The following ANK3 variants were observed in gnomAD, a reference collection of about 807,000 sequenced individuals.
ANK3 encodes ankyrin-3.
ANK3 carries 57 observed loss-of-function variants against 370.9 expected under a neutral mutation model. That is an observed-to-expected ratio of 0.15 (90% CI 0.12 to 0.19). The LOEUF (loss-of-function observed/expected upper bound fraction) is 0.19. ANK3 is among the 10% of genes least tolerant of loss of function. The probability of loss-of-function intolerance (pLI) is 1.00; values close to 1 mark genes in which losing one functional copy is unlikely to be tolerated. For missense variants in ANK3, 4,439 were observed against 5,302.1 expected (o/e 0.84, Z 5.06); for synonymous variants, 1,929 against 1,946.3 (o/e 0.99, Z 0.23).
chr10:60,667,353 CA>C (rs1320442578), intron 1 of ANK3, among the ~76,000 whole-genome samples: 1 of 150,888 alleles, frequency 6.6e-6, no homozygotes, highest in Non-Finnish European at 1.5e-5. Flanking sequence ...TCTAAGGAAC[CA>C]AAAAAGAATG....
At chr10:60,263,396 C>T (rs540841053) in intron 6 of ANK3, among the ~76,000 whole-genome samples, 27 of 152,290 alleles carry the variant, frequency 1.8e-4, no homozygotes, top group African/African-American at 5.8e-4. Flanking sequence ...TTTTTGGCTG[C>T]GGCTCTCTTG....
In ANK3 at chr10:60,666,917, T is replaced by G. The variant is rs2079003828; in HGVS notation, c.58-51693A>C. ...TTTGAAAGACTGTAATGCTTAGATG[T>G]TTTAATTTTAGAGTTACTACCAATT... On this transcript the variant is annotated intron_variant, in intron 1 of 43. Transcript: ENST00000373827. Among the ~76,000 whole-genome samples, 3 of 152,190 alleles carry G rather than the reference T, an allele frequency of 2.0e-5. No homozygotes were observed. In the South Asian group the frequency reaches 6.2e-4, roughly 32 times the overall value.
At chr10:60,640,220 C>T (rs974744107) in intron 1 of ANK3, among the ~76,000 whole-genome samples, 2 of 151,090 alleles carry the variant, frequency 1.3e-5, no homozygotes, top group Admixed American at 6.6e-5. Flanking sequence ...CAAGGAGGAA[C>T]TGGTACCATT....
intron 8 of ANK3, among the ~76,000 whole-genome samples, chr10:60,226,875 C>T (rs894368268): frequency 6.7e-6 from 1 of 150,320 alleles, no homozygotes; most frequent in Non-Finnish European, 1.5e-5. Context: ...TATTTTATTT[C>T]TACATACTAT....
At chr10:60,378,934 G>C (rs967526561) in intron 1 of ANK3, among the ~76,000 whole-genome samples, 4 of 151,890 alleles carry the variant, frequency 2.6e-5, no homozygotes, top group African/African-American at 9.7e-5. Context: ...TCTACAGAAT[G>C]GGAGAAAATA....
intron 1 of ANK3, among the ~76,000 whole-genome samples, chr10:60,291,221 T>C (rs1252916990): frequency 6.6e-6 from 1 of 152,174 alleles, no homozygotes; most frequent in Non-Finnish European, 1.5e-5. Flanking sequence ...TCTCAAATTT[T>C]CTGATAATAT....
At chr10:60,470,000 A>T (rs2065176971) in intron 2 of ANK3, among the ~76,000 whole-genome samples, 1 of 152,010 alleles carries the variant, frequency 6.6e-6, no homozygotes, top group African/African-American at 2.4e-5. Context: ...TCATTCCCCA[A>T]CTTTAGACTT....
intron 1 of ANK3, among the ~76,000 whole-genome samples, chr10:60,680,569 C>T (rs1367244166): frequency 6.6e-6 from 1 of 152,238 alleles, no homozygotes; most frequent in Non-Finnish European, 1.5e-5. Context: ...CACTCTACCT[C>T]CTCTTCCTCA....
At chr10:60,667,230 A>T (rs796338601) in intron 1 of ANK3, among the ~76,000 whole-genome samples, 1 of 55,540 alleles carries the variant, frequency 1.8e-5, no homozygotes, top group Non-Finnish European at 3.8e-5. Context: ...AATTATATTG[A>T]ATTGAAGAAA....
chr10:60,209,555 T>C (rs946611017), intron 9 of ANK3, among the ~76,000 whole-genome samples: 3 of 152,170 alleles, frequency 2.0e-5, no homozygotes, highest in African/African-American at 4.8e-5. Flanking sequence ...TCAGCAAATA[T>C]CTAGGTCAAT....
intron 2 of ANK3, among the ~76,000 whole-genome samples, chr10:60,483,513 G>A (rs1256430967): frequency 6.6e-6 from 1 of 152,086 alleles, no homozygotes; most frequent in Non-Finnish European, 1.5e-5. Context: ...TTTCAGCATG[G>A]TTAAAAATAA....
intron 12 of ANK3, among the ~76,000 whole-genome samples, chr10:60,202,494 C>G (rs1408815117): frequency 6.6e-6 from 1 of 152,182 alleles, no homozygotes; most frequent in Non-Finnish European, 1.5e-5. Flanking sequence ...GTTCGTAAGT[C>G]CTAACAATTT....
chr10:60,184,643 T>G (rs2096279805), intron 17 of ANK3, among the ~76,000 whole-genome samples: 1 of 152,182 alleles, frequency 6.6e-6, no homozygotes, highest in Admixed American at 6.5e-5. Context: ...GAATTCCTTT[T>G]GTTAATTTCC....
intron 1 of ANK3, among the ~76,000 whole-genome samples, chr10:60,662,623 G>T (rs918028349): frequency 1.3e-5 from 2 of 152,120 alleles, no homozygotes. Context: ...TATACTGACC[G>T]ATTTCTTAAG....
chr10:60,123,728 A>G (rs1282827914), intron 25 of ANK3, among the ~76,000 whole-genome samples: 4 of 152,200 alleles, frequency 2.6e-5, no homozygotes, highest in African/African-American at 7.2e-5. Flanking sequence ...ATCTCCCAAT[A>G]ACAGGTCACA....
intron 25 of ANK3, 132 bp downstream of exon 25, chr10:60,134,132 TAACTGGC>T: frequency 1.5e-6 from 1 of 661,158 alleles, no homozygotes; most frequent in Non-Finnish European, 2.5e-6. Flanking sequence ...TATTTTTTTT[TAACTGGC>T]TAGTACCAGA....
intron 7 of ANK3, among the ~76,000 whole-genome samples, chr10:60,243,584 C>G (rs1345114014): frequency 6.6e-6 from 1 of 151,890 alleles, no homozygotes; most frequent in Non-Finnish European, 1.5e-5. Context: ...GTTATAGCAA[C>G]AAAAAATGGA....
At chr10:60,129,766 C>T (rs1177861638) in intron 25 of ANK3, among the ~76,000 whole-genome samples, 1 of 142,764 alleles carries the variant, frequency 7.0e-6, no homozygotes, top group African/African-American at 2.7e-5. Flanking sequence ...CACACACACA[C>T]ACAAACACAC....
intron 25 of ANK3, among the ~76,000 whole-genome samples, chr10:60,130,807 C>G (rs1404240266): frequency 6.7e-6 from 1 of 150,310 alleles, no homozygotes; most frequent in African/African-American, 2.5e-5. Context: ...TAATAATAGA[C>G]AGAGATGCAT....
Sources: gnomAD v4.1 joint callset for allele counts (sites outside exome capture counted in the v4.1 genomes callset) on GRCh38, gnomAD v4.1.1 for gene constraint, MANE v1.5 for transcripts, NCBI Gene and HGNC (gene_info 2026-07-23, HGNC 2026-07-21) for gene names.